Variants in ENOX2 observed in about 807,000 individuals in gnomAD.
The protein encoded by ENOX2 is ecto-NOX disulfide-thiol exchanger 2.
In ENOX2, 36 loss-of-function variants were observed where a neutral mutation model predicts 45.0. The observed-to-expected ratio is 0.80, with a 90% confidence interval of 0.61 to 1.06. The LOEUF (loss-of-function observed/expected upper bound fraction) is 1.06. Among genes scored for constraint, ENOX2 ranks in the 50% least tolerant of loss-of-function variants. The probability of loss-of-function intolerance (pLI) is 0.00; values close to 1 mark genes in which losing one functional copy is unlikely to be tolerated. For synonymous variants in ENOX2, 174 were observed against 152.3 expected (o/e 1.14, Z -1.05); for missense variants, 423 against 462.5 (o/e 0.91, Z 0.78).
intron 2 of ENOX2, among the ~76,000 whole-genome samples, chrX:130,815,279 T>C (rs926549415): frequency 8.9e-6 from 1 of 112,191 alleles, no homozygotes; most frequent in African/African-American, 3.2e-5. Flanking sequence ...TTGATTGGTG[T>C]ACCTGAAAGT....
intron 10 of ENOX2, among the ~76,000 whole-genome samples, chrX:130,642,037 T>C (rs1480036486): frequency 8.9e-6 from 1 of 112,397 alleles, no homozygotes; most frequent in Non-Finnish European, 1.9e-5. Flanking sequence ...CAAGTCTTAT[T>C]ATTTTAAAAA....
chrX:130,747,152 A>G (rs12852769), intron 3 of ENOX2, among the ~76,000 whole-genome samples: 2,119 of 111,601 alleles, frequency 0.019, 42 homozygotes, highest in Admixed American at 0.078. Flanking sequence ...GAGTCAAGCT[A>G]TGAAAAATAT....
At chrX:130,677,653 AG>A (rs1479689492) in intron 6 of ENOX2, among the ~76,000 whole-genome samples, 1 of 111,815 alleles carries the variant, frequency 8.9e-6, no homozygotes, top group African/African-American at 3.3e-5. Context: ...TCATGAGAGT[AG>A]GACTAGTGGC....
chrX:130,641,338 AT>A (rs1168170074), intron 10 of ENOX2, among the ~76,000 whole-genome samples: 2 of 112,327 alleles, frequency 1.8e-5, no homozygotes, highest in African/African-American at 6.5e-5. Context: ...GAGAAAAAAA[AT>A]CAACAACCTA....
intron 2 of ENOX2, among the ~76,000 whole-genome samples, chrX:130,865,293 C>T (rs1291258517): frequency 9.0e-6 from 1 of 111,240 alleles, no homozygotes; most frequent in Admixed American, 9.5e-5. Flanking sequence ...GGTAAGGCTA[C>T]CAGCAGGGTC....
intron 3 of ENOX2, among the ~76,000 whole-genome samples, chrX:130,723,976 A>G (rs1250583552): frequency 8.9e-6 from 1 of 112,009 alleles, no homozygotes; most frequent in Non-Finnish European, 1.9e-5. Context: ...CCCGCAGGAT[A>G]TGGCATAGTG....
intron 3 of ENOX2, among the ~76,000 whole-genome samples, chrX:130,759,639 T>A (rs914126055): frequency 9.3e-6 from 1 of 107,270 alleles, no homozygotes; most frequent in African/African-American, 3.4e-5. Flanking sequence ...TAGTTTTCTC[T>A]GTTCTCTATT....
Position 130,691,449 on chromosome X carries a change from A to C in ENOX2, c.98-2431T>G, listed in dbSNP as rs1431931321. On this transcript the variant is annotated intron_variant, in intron 4 of 14. Coordinates refer to ENST00000394363, the MANE Select transcript of ENOX2 (RefSeq NM_006375.4). ...TATGCAAGTGTTGGGGGTGGTGTCT[A>C]GGTTTCCCGTTTGATCTTAGAGAAC... Among the ~76,000 whole-genome samples the C allele has an allele frequency of 2.7e-5, 3 of 111,599 alleles. No individual in the cohort carries two copies. In the East Asian group the frequency reaches 8.4e-4, roughly 31 times the overall value.
chrX:130,630,846 A>T (rs1411106932), intron 13 of ENOX2, among the ~76,000 whole-genome samples: 1 of 110,588 alleles, frequency 9.0e-6, no homozygotes, highest in African/African-American at 3.3e-5. Context: ...CTAATGTTAA[A>T]CTCTAACTTT....
intron 2 of ENOX2, among the ~76,000 whole-genome samples, chrX:130,846,109 C>T (rs1245970085): frequency 1.8e-5 from 2 of 111,194 alleles, no homozygotes; most frequent in Non-Finnish European, 3.8e-5. Flanking sequence ...GAAAGCTCAC[C>T]TGAGTCACTA....
intron 3 of ENOX2, among the ~76,000 whole-genome samples, chrX:130,760,195 C>T (rs1362059716): frequency 9.0e-6 from 1 of 111,372 alleles, no homozygotes; most frequent in Non-Finnish European, 1.9e-5. Context: ...GTTCTAGGAG[C>T]TTTTTTGTTT....
chrX:130,717,867 AT>A (rs2038370014), intron 3 of ENOX2, among the ~76,000 whole-genome samples: 1 of 112,029 alleles, frequency 8.9e-6, no homozygotes, highest in Admixed American at 9.5e-5. Context: ...CCCCTGAAAG[AT>A]AACCACCGTT....
chrX:130,872,408 T>C (rs1298949217), intron 2 of ENOX2, among the ~76,000 whole-genome samples: 1 of 111,899 alleles, frequency 8.9e-6, no homozygotes, highest in Non-Finnish European at 1.9e-5. Flanking sequence ...TGTCTCCCTA[T>C]GTCTAATATT....
chrX:130,796,236 T>C (rs1014649729), intron 2 of ENOX2, among the ~76,000 whole-genome samples: 1 of 111,655 alleles, frequency 9.0e-6, no homozygotes, highest in Non-Finnish European at 1.9e-5. Flanking sequence ...CTGGATTTCA[T>C]GTATAATTGG....
At chrX:130,749,406 T>A (rs935708213) in intron 3 of ENOX2, among the ~76,000 whole-genome samples, 6 of 111,192 alleles carry the variant, frequency 5.4e-5, no homozygotes, top group Non-Finnish European at 1.1e-4. Context: ...AACAAAGCAT[T>A]TTCCTCCAGG....
chrX:130,817,488 T>G (rs1348817683), intron 2 of ENOX2, among the ~76,000 whole-genome samples: 1 of 111,484 alleles, frequency 9.0e-6, no homozygotes, highest in Non-Finnish European at 1.9e-5. Flanking sequence ...CAGGCCAATA[T>G]CCCTGATGAA....
intron 3 of ENOX2, among the ~76,000 whole-genome samples, chrX:130,760,785 C>CAA (rs555575901): frequency 0.014 from 127 of 9,398 alleles, 34 homozygotes; most frequent in Non-Finnish European, 0.021. Context: ...GACTCCATCT[C>CAA]AAAAAAAAAA....
At chrX:130,687,010 C>T (rs1162325557) in intron 5 of ENOX2, among the ~76,000 whole-genome samples, 1 of 111,487 alleles carries the variant, frequency 9.0e-6, no homozygotes, top group African/African-American at 3.3e-5. Context: ...GAGGTTCTTC[C>T]AACTCAGAAC....
intron 2 of ENOX2, among the ~76,000 whole-genome samples, chrX:130,890,260 A>G (rs2078965410): frequency 9.0e-6 from 1 of 111,392 alleles, no homozygotes; most frequent in Admixed American, 9.5e-5. Context: ...CCAGGTTAGC[A>G]AGAAGGGCAA....
Sources: gnomAD v4.1 joint callset for allele counts (sites outside exome capture counted in the v4.1 genomes callset) on GRCh38, gnomAD v4.1.1 for gene constraint, MANE v1.5 for transcripts, NCBI Gene and HGNC (gene_info 2026-07-23, HGNC 2026-07-21) for gene names.